Variants in ZNF385D observed in about 807,000 individuals in gnomAD.
The protein encoded by ZNF385D is zinc finger protein 659.
ZNF385D carries 15 observed loss-of-function variants against 35.8 expected under a neutral mutation model. The observed-to-expected ratio is 0.42, with a 90% CI of 0.28 to 0.64. The LOEUF is 0.64. Ranked by LOEUF, ZNF385D falls within the 30% of genes least tolerant of loss-of-function variation. The pLI is 0.23. For synonymous variants in ZNF385D, 212 were observed against 186.8 expected (o/e 1.13, Z -1.10); for missense variants, 474 against 494.6 (o/e 0.96, Z 0.39).
chr3:21,704,329 T>G (rs1195777512), intron 1 of ZNF385D, among the ~76,000 whole-genome samples: 1 of 152,222 alleles, frequency 6.6e-6, no homozygotes, highest in South Asian at 2.1e-4. Flanking sequence ...TGAAAAGCCC[T>G]GCTTTATGTG....
chr3:22,079,583 G>C (rs543920859), intron 3 of ZNF385D, among the ~76,000 whole-genome samples: 48 of 151,992 alleles, frequency 3.2e-4, no homozygotes, highest in African/African-American at 1.0e-3. Flanking sequence ...GCAGGTCAGA[G>C]CTTTTTTATT....
chr3:21,866,979 G>A (rs940110550), intron 3 of ZNF385D, among the ~76,000 whole-genome samples: 3 of 152,038 alleles, frequency 2.0e-5, no homozygotes, highest in African/African-American at 4.8e-5. Flanking sequence ...TAGTCGATTT[G>A]TGCTACATAA....
At chr3:21,825,250 A>G (rs1436223676) in intron 3 of ZNF385D, among the ~76,000 whole-genome samples, 1 of 152,198 alleles carries the variant, frequency 6.6e-6, no homozygotes, top group African/African-American at 2.4e-5. Context: ...GATCCAGGTG[A>G]AACCCCCTTG....
chr3:21,763,067 C>A (rs558433803), intron 3 of ZNF385D, among the ~76,000 whole-genome samples: 6 of 152,198 alleles, frequency 3.9e-5, no homozygotes, highest in Admixed American at 2.0e-4. Context: ...TACCTGTAAA[C>A]AAATAAGACA....
rs1467338050 is a variant in ZNF385D at position 21,751,059 on chromosome 3, CT to C, written c.-144del. 9 of 1,535,266 alleles carry C rather than the reference CT, an allele frequency of 5.9e-6. No individual in the cohort carries two copies. The East Asian group carries it at 1.4e-4, about 24-fold the overall frequency. On this transcript the variant is annotated 5_prime_UTR_variant, in exon 1 of 8. An upstream open reading frame in the 5' UTR gains an earlier in-frame stop. Transcript: ENST00000281523. ...GCAGTGAGCGCCGAGAGCGTGCCTC[CT>C]CCGCGGGATGAGCGCCTTGCAGGCT...
chr3:21,699,697 ATAT>A lies in ZNF385D; in HGVS notation c.23-34672_23-34670del, dbSNP rs199580128. On this transcript the variant is annotated intron_variant, in intron 1 of 7. Transcript: ENST00000281523. ...ATAATGTTGAAATAATACTTTTGAT[ATAT>A]TATTAAGTAAAATACATTATTTAAA... is the stretch of plus-strand genomic sequence containing the variant. Among the ~76,000 whole-genome samples, 427 of 151,944 alleles carry A rather than the reference ATAT, an allele frequency of 2.8e-3. 3 individuals are homozygous for A. The highest frequency in any genetic ancestry group is 9.5e-3 in the African/African-American group (393 of 41,480).
intron 3 of ZNF385D, among the ~76,000 whole-genome samples, chr3:21,919,233 A>G (rs576292127): frequency 6.8e-4 from 103 of 152,320 alleles, no homozygotes; most frequent in Non-Finnish European, 1.1e-3. Context: ...GGTCAACCAT[A>G]TATCAGGAAC....
chr3:21,458,222 T>C (rs422260), intron 4 of ZNF385D, among the ~76,000 whole-genome samples: 25,943 of 151,134 alleles, frequency 0.17, 2,405 homozygotes, highest in Non-Finnish European at 0.2. Context: ...CCTGTAATCC[T>C]AGCACTTTAG....
chr3:22,151,012 G>A (rs1705193793), intron 3 of ZNF385D, among the ~76,000 whole-genome samples: 2 of 152,158 alleles, frequency 1.3e-5, no homozygotes, highest in African/African-American at 2.4e-5. Flanking sequence ...AGAGAGAGAA[G>A]CTGTGAATTA....
intron 2 of ZNF385D, among the ~76,000 whole-genome samples, chr3:21,565,484 C>T (rs983309122): frequency 1.3e-5 from 2 of 152,098 alleles, no homozygotes; most frequent in Non-Finnish European, 2.9e-5. Flanking sequence ...GTTCAAGCAG[C>T]CCTCCCACTT....
chr3:22,120,831 G>A (rs924203232), intron 3 of ZNF385D, among the ~76,000 whole-genome samples: 8 of 152,018 alleles, frequency 5.3e-5, no homozygotes, highest in Non-Finnish European at 7.4e-5. Context: ...CATAGGAACC[G>A]AAACAAGCCC....
At chr3:22,212,721 C>A (rs188967591) in intron 2 of ZNF385D, among the ~76,000 whole-genome samples, 1 of 151,824 alleles carries the variant, frequency 6.6e-6, no homozygotes, top group Non-Finnish European at 1.5e-5. Context: ...AAGCATAAAG[C>A]CTGTTTTTAA....
chr3:22,112,845 G>A (rs866555689), intron 3 of ZNF385D, among the ~76,000 whole-genome samples: 10 of 151,412 alleles, frequency 6.6e-5, no homozygotes, highest in Non-Finnish European at 1.2e-4. Flanking sequence ...CTATGGGGGG[G>A]AAAAAAAACA....
At chr3:21,733,310 G>T (rs538566596) in intron 1 of ZNF385D, among the ~76,000 whole-genome samples, 45 of 152,208 alleles carry the variant, frequency 3.0e-4, no homozygotes, top group African/African-American at 9.6e-4. Flanking sequence ...CTCTGAAGTA[G>T]GGTAGTGTCA....
At chr3:21,752,455 C>T (rs556201778), upstream of ZNF385D, among the ~76,000 whole-genome samples, 34 of 151,856 alleles carry the variant, frequency 2.2e-4, no homozygotes, top group East Asian at 1.4e-3. Flanking sequence ...TTTCCTTACG[C>T]GATTCTATAT....
At chr3:21,601,616 T>G (rs1352599045) in intron 2 of ZNF385D, among the ~76,000 whole-genome samples, 1 of 152,216 alleles carries the variant, frequency 6.6e-6, no homozygotes, top group East Asian at 1.9e-4. Flanking sequence ...GAAAGCAAAT[T>G]TTAGTGCTAA....
intron 3 of ZNF385D, among the ~76,000 whole-genome samples, chr3:22,031,768 G>C (rs1203491536): frequency 2.0e-5 from 3 of 152,188 alleles, no homozygotes; most frequent in Admixed American, 1.3e-4. Flanking sequence ...CCCAGAAAAT[G>C]GGTTTCTCTT....
chr3:21,890,375 T>C (rs1448453839), intron 3 of ZNF385D, among the ~76,000 whole-genome samples: 3 of 152,104 alleles, frequency 2.0e-5, no homozygotes, highest in Non-Finnish European at 4.4e-5. Flanking sequence ...TCCCAGCACT[T>C]TGGGAGGCCG....
At chr3:22,327,109 G>C (rs9846050) in intron 2 of ZNF385D, among the ~76,000 whole-genome samples, 1 of 151,820 alleles carries the variant, frequency 6.6e-6, no homozygotes, top group Non-Finnish European at 1.5e-5. Flanking sequence ...ATTGACTAAA[G>C]TGAATTCTGA....
Sources: gnomAD v4.1 joint callset for allele counts (sites outside exome capture counted in the v4.1 genomes callset) on GRCh38, gnomAD v4.1.1 for gene constraint, MANE v1.5 for transcripts, NCBI Gene and HGNC (gene_info 2026-07-23, HGNC 2026-07-21) for gene names.